The following OTOG variants were observed in gnomAD, a reference collection of about 807,000 sequenced individuals.
The protein encoded by OTOG is otogelin.
Under a neutral mutation model 313.8 loss-of-function variants are expected in OTOG, and 296 were observed. That is an observed-to-expected ratio of 0.94 (90% CI 0.86 to 1.04). OTOG has a LOEUF of 1.04. OTOG is among the 50% of genes least tolerant of loss of function. The pLI, the probability that OTOG is intolerant of heterozygous loss-of-function variation, is 0.00. For synonymous variants in OTOG, 1,533 were observed against 1,554.9 expected, an observed-to-expected ratio of 0.99 and a Z score of 0.33; for missense variants, 3,948 against 3,840.1, an observed-to-expected ratio of 1.03 and a Z score of -0.74.
At chr11:17,623,808 T>A (rs1853920126) in intron 39 of OTOG, among the ~76,000 whole-genome samples, 1 of 152,210 alleles carries the variant, frequency 6.6e-6, no homozygotes, top group Non-Finnish European at 1.5e-5. Flanking sequence ...TGCTAGCACC[T>A]GTTATTTTTT....
At chr11:17,626,332 C>T (rs951764315) in intron 39 of OTOG, among the ~76,000 whole-genome samples, 3 of 152,148 alleles carry the variant, frequency 2.0e-5, no homozygotes, top group Non-Finnish European at 4.4e-5. Flanking sequence ...TACACCATCA[C>T]ACCTGGCTAA....
chr11:17,558,417 G>T, intron 9 of OTOG, 102 bp downstream of exon 9: 1 of 1,520,662 alleles, frequency 6.6e-7, no homozygotes, highest in Non-Finnish European at 8.9e-7. Flanking sequence ...TGGTGCCCTT[G>T]ACCCCATCCC....
In OTOG at chr11:17,605,789, C is replaced by T. The variant is rs1270285899; in HGVS notation, c.3878-68C>T. ...AGTCGCTGAGAGAGCAGATGTGTGC[C>T]AGGATGCTGTTCCCGCAGCCACCTG... is the stretch of plus-strand genomic sequence containing the variant. On this transcript the variant is annotated intron_variant, in intron 32 of 55. Coordinates refer to ENST00000399397, the MANE Select transcript of OTOG (RefSeq NM_001292063.2). The T allele has an allele frequency of 2.6e-5, 38 of 1,462,884 alleles. 1 individual carries two copies. The highest frequency in any genetic ancestry group is 3.5e-4 in the Middle Eastern group (2 of 5,644). 90.6% of individuals were successfully genotyped at this position (1,462,884 alleles called of 1,614,324 possible).
rs1392849159 is a variant in OTOG at position 17,558,308 on chromosome 11, C to G, written c.989C>G (p.Thr330Ser). 6.4e-7 allele frequency: 1 copy of G among 1,550,738 alleles called. No homozygotes were observed. The highest frequency in any genetic ancestry group is 8.7e-7 in the Non-Finnish European group (1 of 1,147,024). ...RPPCLQQNPG[T>S]MQGVYEQCEA... Reference sequence around the variant, plus strand: ...CCGTGCCTACAGCAGAACCCAGGAACCATGCAGGTCTGGAGCTTGGGGAGA... The same window carrying G: ...CCGTGCCTACAGCAGAACCCAGGAAGCATGCAGGTCTGGAGCTTGGGGAGA... Residue 330 changes from threonine to serine, a missense_variant, in exon 9 of 56, where the codon ACC becomes AGC. Physicochemically the swap from Thr to Ser is moderately conservative, Grantham distance 58. Coordinates refer to ENST00000399397, the MANE Select transcript of OTOG (RefSeq NM_001292063.2).
intron 15 of OTOG, 79 bp from the exon 16 acceptor site, chr11:17,569,077 C>A (rs1852350840): frequency 1.3e-6 from 2 of 1,491,056 alleles, no homozygotes; most frequent in East Asian, 2.5e-5. Context: ...GGGCTGGGGT[C>A]TCTGTCCCTA....
Position 17,572,144 on chromosome 11 carries a change from GCTTGCT to G in OTOG, c.2022_2027del (p.Cys675_Ser676del). Reference sequence around the variant, plus strand: ...TGGCAATTCCTGGAAAACACTTTCTGCTTGCTCCCCGCTGGTCTCTGGCTCCCCTCT... The same window carrying G: ...TGGCAATTCCTGGAAAACACTTTCTGCCCCGCTGGTCTCTGGCTCCCCTCT... On this transcript the variant is annotated inframe_deletion, in exon 18 of 56. Coordinates refer to ENST00000399397, the MANE Select transcript of OTOG (RefSeq NM_001292063.2). The G allele has an allele frequency of 6.4e-7, 1 of 1,550,504 alleles. No individual in the cohort carries two copies. The highest frequency in any genetic ancestry group is 8.7e-7 in the Non-Finnish European group (1 of 1,146,948).
At chr11:17,578,659 C>A in intron 23 of OTOG, 133 bp downstream of exon 23, 1 of 1,161,540 alleles carries the variant, frequency 8.6e-7, no homozygotes, top group Non-Finnish European at 1.2e-6. Flanking sequence ...CCAGCCACAG[C>A]TGTAATGGCC....
At position 17,612,657 on chromosome 11, in the gene OTOG, C is replaced by T. The variant is rs1386548860; in HGVS notation, c.6330C>T (p.Thr2110=). The change falls in exon 38 of 56, where the codon ACC becomes ACT. Residue 2110 remains threonine, a synonymous_variant. Coordinates refer to ENST00000399397, the MANE Select transcript of OTOG (RefSeq NM_001292063.2). The stretch of plus-strand genomic sequence containing the variant: ...TCTTCCCTGACCTGAGCTTCGTGAC[C>T]TTCGATGGGAGCCACGTAGCTCTGT... ...CSIFPDLSFV[T]FDGSHVALFK... 1 of 1,550,624 alleles carries T rather than the reference C, an allele frequency of 6.4e-7. No homozygotes were observed. The highest frequency in any genetic ancestry group is 8.7e-7 in the Non-Finnish European group (1 of 1,146,982).
intron 32 of OTOG, among the ~76,000 whole-genome samples, chr11:17,605,522 C>T (rs910836507): frequency 1.3e-5 from 2 of 152,190 alleles, no homozygotes; most frequent in African/African-American, 2.4e-5. Flanking sequence ...AGAATAGTGC[C>T]TGGTACATTG....
At chr11:17,598,735 AC>A (rs1853172332) in intron 30 of OTOG, among the ~76,000 whole-genome samples, 1 of 152,030 alleles carries the variant, frequency 6.6e-6, no homozygotes, top group Non-Finnish European at 1.5e-5. Flanking sequence ...CTCGGCTACC[AC>A]CCCTTGACTG....
At chr11:17,589,154 G>C (rs1852873663) in intron 24 of OTOG, among the ~76,000 whole-genome samples, 1 of 152,138 alleles carries the variant, frequency 6.6e-6, no homozygotes, top group Admixed American at 6.6e-5. Flanking sequence ...GAATGTGACT[G>C]GAGGGATGTG....
At chr11:17,549,082 G>A (rs1247517033) in intron 3 of OTOG, among the ~76,000 whole-genome samples, 1 of 152,164 alleles carries the variant, frequency 6.6e-6, no homozygotes, top group African/African-American at 2.4e-5. Context: ...TTGTGGGAGA[G>A]GTGGCAGTTT....
chr11:17,559,656 C>T lies in OTOG; in HGVS notation c.1336C>T (p.Pro446Ser), dbSNP rs1852135828. The T allele has an allele frequency of 4.5e-6, 7 of 1,550,640 alleles. No individual in the cohort carries two copies. The highest frequency in any genetic ancestry group is 2.0e-5 in the Admixed American group (1 of 50,984). Residue 446 changes from proline to serine, a missense_variant, in exon 12 of 56, where the codon CCC (proline) becomes TCC (serine). Coordinates refer to ENST00000399397, the MANE Select transcript of OTOG (RefSeq NM_001292063.2). ...EIACVDGCYC[P>S]NGLIFEDGGC... ...CGCCTGTGTGGACGGCTGCTATTGCCCCAATGGTATGCTAGGGGCAGACGT... is the reference window on the plus strand; with the variant it reads ...CGCCTGTGTGGACGGCTGCTATTGCTCCAATGGTATGCTAGGGGCAGACGT...
intron 8 of OTOG, 72 bp downstream of exon 8, chr11:17,557,395 G>T (rs1852079842): frequency 6.9e-7 from 1 of 1,441,480 alleles, no homozygotes; most frequent in East Asian, 2.5e-5. Flanking sequence ...GGAGGGGTTG[G>T]AGGGGACTTG....
At chr11:17,577,992 G>T (rs1852575876) in intron 22 of OTOG, among the ~76,000 whole-genome samples, 1 of 152,240 alleles carries the variant, frequency 6.6e-6, no homozygotes, top group South Asian at 2.1e-4. Flanking sequence ...TCCCTCTGGG[G>T]CACTTCTCAC....
chr11:17,586,167 A>G (rs1273780694), intron 23 of OTOG, among the ~76,000 whole-genome samples: 3 of 152,142 alleles, frequency 2.0e-5, no homozygotes, highest in Non-Finnish European at 4.4e-5. Flanking sequence ...TTAGTATACA[A>G]CTAGTGCCTG....
At position 17,561,072 on chromosome 11, in the gene OTOG, C is replaced by T; in HGVS notation, c.1452-19C>T. The T allele has an allele frequency of 1.3e-6, 2 of 1,550,584 alleles. No homozygotes were observed. The highest frequency in any genetic ancestry group is 1.4e-5 in the African/African-American group (1 of 73,190). On this transcript the variant is annotated intron_variant, in intron 13 of 55. Transcript: ENST00000399397. ...GCCTGGAGGGGTGACCTCTTGCCTC[C>T]TTGGTCTCTGTGTTTTAGCACATGC...
intron 33 of OTOG, among the ~76,000 whole-genome samples, chr11:17,606,655 G>A (rs929971188): frequency 2.6e-5 from 4 of 152,210 alleles, no homozygotes; most frequent in Non-Finnish European, 5.9e-5. Context: ...AGGTGTGTCT[G>A]TCCCCAAAAT....
rs61744602 is a variant in OTOG at position 17,610,645 on chromosome 11, T to C, written c.5345T>C (p.Leu1782Pro). ...AGCCTGTCAACAGCCACTGATGGGC[T>C]GGCAGCCACACCCTTCATGTCCCTT... ...AASLSTATDG[L>P]AATPFMSLES... The change falls in exon 36 of 56, where the codon CTG (leucine) becomes CCG (proline). Residue 1782 changes from leucine (L) to proline (P), a missense_variant. Physicochemically the swap from Leu to Pro is moderately conservative, Grantham distance 98. Coordinates refer to ENST00000399397, the MANE Select transcript of OTOG (RefSeq NM_001292063.2). 2.9e-3 allele frequency: 4,572 copies of C among 1,550,610 alleles called. 15 individuals carry two copies. Among genetic ancestry groups the C allele is most frequent in the Non-Finnish European group, 3.7e-3 (4,267 of 1,146,994 alleles).
Sources: allele counts gnomAD v4.1 joint callset (sites outside exome capture counted in the v4.1 genomes callset), GRCh38; gene constraint gnomAD v4.1.1; transcripts MANE v1.5; gene names NCBI Gene and HGNC (gene_info 2026-07-23, HGNC 2026-07-21).